Variants in SLCO3A1 observed in about 807,000 individuals in gnomAD.
SLCO3A1 encodes the protein solute carrier organic anion transporter family member 3A1.
SLCO3A1 carries 27 observed loss-of-function variants against 63.1 expected under a neutral mutation model. That is an observed-to-expected ratio of 0.43 (90% CI 0.32 to 0.59). The LOEUF (loss-of-function observed/expected upper bound fraction) is 0.59, where lower values mean the gene tolerates loss of function less well. Ranked by LOEUF, SLCO3A1 falls within the 20% of genes least tolerant of loss-of-function variation. The pLI, the probability that SLCO3A1 is intolerant of heterozygous loss-of-function variation, is 0.09. For missense variants in SLCO3A1, 773 were observed against 945.8 expected (o/e 0.82, Z 2.40); for synonymous variants, 473 against 409.9 (o/e 1.15, Z -1.86).
intron 3 of SLCO3A1, 115 bp from the exon 4 acceptor site, chr15:92,104,164 C>T (rs755150571): frequency 3.1e-5 from 38 of 1,222,512 alleles, no homozygotes; most frequent in Admixed American, 4.2e-5. Context: ...TGTTCCCGAC[C>T]GCAAGTCATT....
chr15:92,085,709 G>A (rs572535960), intron 2 of SLCO3A1, among the ~76,000 whole-genome samples: 1 of 152,336 alleles, frequency 6.6e-6, no homozygotes, highest in East Asian at 1.9e-4. Context: ...AAATACCCAT[G>A]AAGTCTATAA....
In SLCO3A1 at chr15:91,958,543, C is replaced by T. The variant is rs577105564; in HGVS notation, c.646+42085C>T. Reference sequence around the variant, plus strand: ...TGCAGAATGGAGAGCATATGCCTCACCTTGAGGGCTGTTGGAGGAATGGAG... The same window carrying T: ...TGCAGAATGGAGAGCATATGCCTCATCTTGAGGGCTGTTGGAGGAATGGAG... On this transcript the variant is annotated intron_variant, in intron 2 of 9. Transcript: ENST00000318445. 2.6e-5 allele frequency among the ~76,000 whole-genome samples: 4 copies of T among 152,258 alleles called. No homozygotes were observed. The South Asian group carries it at 6.2e-4, about 24-fold the overall frequency.
chr15:91,862,371 G>A lies in SLCO3A1; in HGVS notation c.180+8283G>A, dbSNP rs751078954. Among the ~76,000 whole-genome samples, 1 of 151,984 alleles carries A rather than the reference G, an allele frequency of 6.6e-6. No homozygotes were observed. Among genetic ancestry groups the A allele is most frequent in the Non-Finnish European group, 1.5e-5 (1 of 67,996 alleles). On this transcript the variant is annotated intron_variant, in intron 1 of 9. Coordinates refer to ENST00000318445, the MANE Select transcript of SLCO3A1 (RefSeq NM_013272.4). The surrounding 1 kb of genome is among the most constrained non-coding windows in gnomAD (Gnocchi z 4.0). ...GGGTTTCACCATGTTGGCCAGGGTG[G>A]TCTCGAACTCCTGACCTCAAGTGAT...
chr15:92,164,716 T>C lies in SLCO3A1; in HGVS notation c.*1581T>C, dbSNP rs907868011. On this transcript the variant is annotated 3_prime_UTR_variant, in exon 10 of 10. Coordinates refer to ENST00000318445, the MANE Select transcript of SLCO3A1 (RefSeq NM_013272.4). Reference sequence around the variant, plus strand: ...AGTGTTAGTCTTGAACTAAGGCCCTTGTCTGTGTGTTTTGAAGGTGGGTGA... The same window carrying C: ...AGTGTTAGTCTTGAACTAAGGCCCTCGTCTGTGTGTTTTGAAGGTGGGTGA... 8.4e-5 allele frequency: 83 copies of C among 985,316 alleles called. No homozygotes were observed. The highest frequency in any genetic ancestry group is 1.8e-4 in the Admixed American group (3 of 16,254). 61.0% of individuals were successfully genotyped at this position (985,316 alleles called of 1,614,324 possible).
Position 91,950,821 on chromosome 15 carries a change from T to C in SLCO3A1, c.646+34363T>C, listed in dbSNP as rs1367819155. Among the ~76,000 whole-genome samples, 4 of 152,184 alleles carry C rather than the reference T, an allele frequency of 2.6e-5. No individual in the cohort carries two copies. In the East Asian group the frequency reaches 7.7e-4, roughly 29 times the overall value. On this transcript the variant is annotated intron_variant, in intron 2 of 9. Coordinates refer to ENST00000318445, the MANE Select transcript of SLCO3A1 (RefSeq NM_013272.4). This position sits in a 1 kb window ranked among gnomAD's most constrained non-coding sequence, Gnocchi z 4.4. ...GCAATGCTAATTCTGCCTTTAGTAA[T>C]TTGATGACAGAGACTTCTTGGGAAC...
intron 2 of SLCO3A1, among the ~76,000 whole-genome samples, chr15:92,017,508 A>G (rs2046452680): frequency 1.3e-5 from 2 of 152,106 alleles, no homozygotes; most frequent in South Asian, 4.1e-4. Context: ...CCCTTCTCAA[A>G]TCCAGGGGTG....
chr15:92,104,462 A>G lies in SLCO3A1; in HGVS notation c.929A>G (p.Glu310Gly), dbSNP rs758552204. 6.2e-7 allele frequency: 1 copy of G among 1,614,164 alleles called. No individual in the cohort carries two copies. Among genetic ancestry groups the G allele is most frequent in the Non-Finnish European group, 8.5e-7 (1 of 1,180,046 alleles). The change falls in exon 4 of 10, where the codon GAG becomes GGG. Residue 310 changes from glutamate to glycine, a missense_variant. By Grantham distance (98) the Glu-to-Gly change is moderately conservative (BLOSUM62 -2). Coordinates refer to ENST00000318445, the MANE Select transcript of SLCO3A1 (RefSeq NM_013272.4). ...EQAMLSEREY[E>G]RPKPSNGVLR... ...GCCATGCTCTCCGAAAGAGAATACG[A>G]GAGACCCAAGCCCAGCAACGGGGTC... is the stretch of plus-strand genomic sequence containing the variant.
chr15:92,143,546 T>G (rs1254487555), intron 7 of SLCO3A1, among the ~76,000 whole-genome samples: 1 of 119,746 alleles, frequency 8.4e-6, no homozygotes, highest in Non-Finnish European at 1.6e-5. Context: ...CTGGGTAAAT[T>G]AGGGAATACG....
intron 1 of SLCO3A1, among the ~76,000 whole-genome samples, chr15:91,896,730 C>G (rs190552357): frequency 1.5e-4 from 23 of 152,336 alleles, no homozygotes; most frequent in African/African-American, 5.5e-4. Context: ...TTACGAATTA[C>G]CCAGTCTCAG....
intron 2 of SLCO3A1, among the ~76,000 whole-genome samples, chr15:91,937,925 G>A (rs541984718): frequency 2.0e-5 from 3 of 152,154 alleles, no homozygotes; most frequent in East Asian, 1.9e-4. Context: ...TTTTGGAGGC[G>A]GTATCTACCT....
chr15:92,003,866 A>G (rs2046283463), intron 2 of SLCO3A1, among the ~76,000 whole-genome samples: 1 of 152,180 alleles, frequency 6.6e-6, no homozygotes, highest in African/African-American at 2.4e-5. Flanking sequence ...GCACTGGAGT[A>G]GGCATTGCCT....
At chr15:92,064,472 C>A (rs559387411) in intron 2 of SLCO3A1, among the ~76,000 whole-genome samples, 1 of 152,302 alleles carries the variant, frequency 6.6e-6, no homozygotes, top group African/African-American at 2.4e-5. Flanking sequence ...ACTTTGTACT[C>A]TGGCTGCCTG....
At position 91,854,644 on chromosome 15, in the gene SLCO3A1, G is replaced by A. The variant is rs145023318; in HGVS notation, c.180+556G>A. 2.6e-4 allele frequency among the ~76,000 whole-genome samples: 39 copies of A among 152,206 alleles called. No homozygotes were observed. The East Asian group carries it at 7.4e-3, about 29-fold the overall frequency. On this transcript the variant is annotated intron_variant, in intron 1 of 9. Transcript: ENST00000318445. This position sits in a 1 kb window ranked among gnomAD's most constrained non-coding sequence, Gnocchi z 6.4. ...CCCTAGTGTGGCCCTGGCCTGAGCC[G>A]GGGCTGCAGGGGGAATATTGCCACC... is the stretch of plus-strand genomic sequence containing the variant.
In SLCO3A1 at chr15:91,880,399, C is replaced by CTGTGTGTGTGTG. The variant is rs1158728794; in HGVS notation, c.180+26312_180+26313insGTGTGTGTGTGT. On this transcript the variant is annotated intron_variant, in intron 1 of 9. Transcript: ENST00000318445. ...CTCGTGCTTCTCTCTCTCTCTCTCT[C>CTGTGTGTGTGTG]TCTCTCTCTCTGTGTGTGTGTGTGT... 3.8e-3 allele frequency among the ~76,000 whole-genome samples: 430 copies of CTGTGTGTGTGTG among 114,466 alleles called. 3 individuals carry two copies. The highest frequency in any genetic ancestry group is 0.014 in the East Asian group (35 of 2,590). 75.1% of individuals were successfully genotyped at this position (114,466 alleles called of 152,430 possible). A position where few individuals can be genotyped will look rare whatever the true frequency, so the allele number is the denominator to read the frequency against.
rs373474398 is a variant in SLCO3A1, at chr15:91,872,533, C to CAA, written c.180+18455_180+18456dup. ...AGGGCAACAAAATGAGACTCCGTCTCAAAAAAAAAAAGAAAAGAAAAAAGA... is the reference window on the plus strand; with the variant it reads ...AGGGCAACAAAATGAGACTCCGTCTCAAAAAAAAAAAAAGAAAAGAAAAAAGA... On this transcript the variant is annotated intron_variant, in intron 1 of 9. Coordinates refer to ENST00000318445, the MANE Select transcript of SLCO3A1 (RefSeq NM_013272.4). The surrounding 1 kb of genome is among the most constrained non-coding windows in gnomAD (Gnocchi z 4.1). 7.3e-6 allele frequency among the ~76,000 whole-genome samples: 1 copy of CAA among 136,228 alleles called. No individual in the cohort carries two copies. The highest frequency in any genetic ancestry group is 7.5e-5 in the Admixed American group (1 of 13,388). The allele number at this position is 136,228 out of a possible 152,430, so 89.4% of individuals were successfully genotyped here. A position where few individuals can be genotyped will look rare whatever the true frequency, so the allele number is the denominator to read the frequency against.
chr15:92,147,866 A>C (rs1164251876), intron 8 of SLCO3A1, among the ~76,000 whole-genome samples: 1 of 152,240 alleles, frequency 6.6e-6, no homozygotes, highest in African/African-American at 2.4e-5. Context: ...TTGGAAACCC[A>C]GAAGTGAACT....
At position 91,916,328 on chromosome 15, in the gene SLCO3A1, T is replaced by A. The variant is rs150486559; in HGVS notation, c.516T>A (p.Ala172=). The change falls in exon 2 of 10, where the codon GCT becomes GCA. Residue 172 remains alanine (A), a synonymous_variant. Coordinates refer to ENST00000318445, the MANE Select transcript of SLCO3A1 (RefSeq NM_013272.4). The surrounding 1 kb of genome is among the most constrained non-coding windows in gnomAD (Gnocchi z 6.2). ...DPDLICRNRT[A]TNMMYLLLIG... is the part of the protein sequence containing the mutation. ...ACCTCATCTGCCGCAACCGGACGGC[T>A]ACCAACATGATGTACTTGCTGCTCA... The A allele has an allele frequency of 3.1e-5, 49 of 1,602,844 alleles. No homozygotes were observed. Among genetic ancestry groups the A allele is most frequent in the African/African-American group, 4.0e-5 (3 of 74,836 alleles).
chr15:91,916,466 C>T lies in SLCO3A1; in HGVS notation c.646+8C>T, dbSNP rs774101842. ...ACTCCTCGCTCTATATAGGTAGGAG[C>T]TGCCCCAGCCGTATTAGCAAGAGAC... On this transcript the variant is annotated splice_region_variant and intron_variant, in intron 2 of 9. Transcript: ENST00000318445. The surrounding 1 kb of genome is among the most constrained non-coding windows in gnomAD (Gnocchi z 6.2). The T allele has an allele frequency of 5.1e-6, 8 of 1,574,614 alleles. No individual in the cohort carries two copies. Among genetic ancestry groups the T allele is most frequent in the African/African-American group, 1.4e-5 (1 of 73,558 alleles).
chr15:92,019,030 AGTGTGTGCGTCATTAACGAGGCAG>A (rs1488619453), intron 2 of SLCO3A1, among the ~76,000 whole-genome samples: 2 of 151,852 alleles, frequency 1.3e-5, no homozygotes, highest in Non-Finnish European at 1.5e-5. Flanking sequence ...CTTAACTAGG[AGTGTGTGCGTCATTAACGAGGCAG>A]GTGTGTGCGT....
Sources: gnomAD v4.1 joint callset for allele counts (sites outside exome capture counted in the v4.1 genomes callset) on GRCh38, gnomAD v4.1.1 for gene constraint, Gnocchi (gnomAD v3.1) non-coding constraint, MANE v1.5 for transcripts, NCBI Gene and HGNC (gene_info 2026-07-23, HGNC 2026-07-21) for gene names.